The following DAPK2 variants were observed in gnomAD, a reference collection of about 807,000 sequenced individuals.
DAPK2 encodes the protein death-associated protein kinase 2.
A neutral mutation model predicts 44.1 loss-of-function variants in DAPK2; 35 were observed. That is an observed-to-expected ratio of 0.79 (90% CI 0.61 to 1.05). The LOEUF is 1.05. Among genes scored for constraint, DAPK2 ranks in the 50% least tolerant of loss-of-function variants. DAPK2 has a pLI of 0.00. For synonymous variants in DAPK2, 174 were observed against 182.6 expected, an observed-to-expected ratio of 0.95 and a Z score of 0.38; for missense variants, 453 against 483.2, an observed-to-expected ratio of 0.94 and a Z score of 0.59.
At chr15:63,983,629 C>G in exon 2 of DAPK2, 7 of 1,614,186 alleles carry the variant, frequency 4.3e-6, no homozygotes, top group Non-Finnish European at 5.9e-6. Context: ...GCTCACCTCC[C>G]GCTCGATCTC....
chr15:63,973,288 G>A (rs1039358518), intron 2 of DAPK2, among the ~76,000 whole-genome samples: 4 of 152,244 alleles, frequency 2.6e-5, no homozygotes, highest in African/African-American at 9.6e-5. Flanking sequence ...GGGCCCCTGG[G>A]CAGAGAACTG....
At chr15:64,009,199 T>C (rs759361490) in intron 1 of DAPK2, among the ~76,000 whole-genome samples, 2 of 152,106 alleles carry the variant, frequency 1.3e-5, no homozygotes, top group Non-Finnish European at 2.9e-5. Context: ...GGATACACAG[T>C]AGATCTGCAG....
At chr15:63,982,021 C>T (rs1008142421) in intron 2 of DAPK2, among the ~76,000 whole-genome samples, 2 of 152,132 alleles carry the variant, frequency 1.3e-5, no homozygotes, top group Admixed American at 6.5e-5. Flanking sequence ...AGGTGGTCCA[C>T]CGAGTCTGTA....
At chr15:63,946,466 GC>G (rs1353656629) in intron 3 of DAPK2, among the ~76,000 whole-genome samples, 2 of 152,244 alleles carry the variant, frequency 1.3e-5, no homozygotes, top group African/African-American at 4.8e-5. Flanking sequence ...TAAAATGGGG[GC>G]AAAACCTACT....
intron 5 of DAPK2, 98 bp downstream of exon 6, chr15:63,930,309 G>A (rs1051145392): frequency 4.3e-6 from 5 of 1,162,396 alleles, no homozygotes; most frequent in Non-Finnish European, 6.5e-6. Context: ...GTGGAGTAAG[G>A]GGCTTTCATG....
rs940912517 is a variant in DAPK2, at chr15:63,939,392, G to A, written c.454-31C>T. 6 of 1,502,166 alleles carry A rather than the reference G, an allele frequency of 4.0e-6. No individual in the cohort carries two copies. Among genetic ancestry groups the A allele is most frequent in the African/African-American group, 2.8e-5 (2 of 70,876 alleles). 93.1% of individuals were successfully genotyped at this position (1,502,166 alleles called of 1,614,324 possible). A position where few individuals can be genotyped will look rare whatever the true frequency, so the allele number is the denominator to read the frequency against. On this transcript the variant is annotated intron_variant, in intron 3 of 10. Transcript: ENST00000261891. The surrounding 1 kb of genome is among the most constrained non-coding windows in gnomAD (Gnocchi z 4.3). ...CAACAAAAAGTAGAAAAAAAAAAAA[G>A]GAAGGAAGAAAAGAAAAAAAAAGAC...
At chr15:63,994,866 A>T (rs1050292873) in intron 1 of DAPK2, among the ~76,000 whole-genome samples, 1 of 152,122 alleles carries the variant, frequency 6.6e-6, no homozygotes, top group African/African-American at 2.4e-5. Flanking sequence ...CTAGGATTAC[A>T]GGCGTGAGCC....
chr15:64,020,407 G>A lies in DAPK2; in HGVS notation c.92+19763C>T, dbSNP rs1245591046. On this transcript the variant is annotated intron_variant, in intron 1 of 10. Coordinates refer to ENST00000261891, the Ensembl canonical transcript of DAPK2. This position sits in a 1 kb window ranked among gnomAD's most constrained non-coding sequence, Gnocchi z 4.5. Reference sequence around the variant, plus strand: ...CTCTGAAATGGTCAATTTCACAGGGGTCTTCCCCAAGAGTGGCATGTTCTC... The same window carrying A: ...CTCTGAAATGGTCAATTTCACAGGGATCTTCCCCAAGAGTGGCATGTTCTC... 1.3e-5 allele frequency among the ~76,000 whole-genome samples: 2 copies of A among 152,194 alleles called. No homozygotes were observed. Among genetic ancestry groups the A allele is most frequent in the Non-Finnish European group, 2.9e-5 (2 of 68,032 alleles).
intron 6 of DAPK2, among the ~76,000 whole-genome samples, chr15:63,929,207 A>G (rs1281255434): frequency 6.6e-6 from 1 of 152,078 alleles, no homozygotes; most frequent in Non-Finnish European, 1.5e-5. Context: ...TCAAAAAAAA[A>G]AAAAAAAGAG....
At chr15:63,984,944 G>A (rs2078628716) in intron 1 of DAPK2, among the ~76,000 whole-genome samples, 1 of 152,214 alleles carries the variant, frequency 6.6e-6, no homozygotes. Flanking sequence ...CAACAACAAA[G>A]TCAAGTTCAG....
intron 3 of DAPK2, among the ~76,000 whole-genome samples, chr15:63,951,706 G>A (rs1264395911): frequency 6.6e-6 from 1 of 152,130 alleles, no homozygotes; most frequent in Non-Finnish European, 1.5e-5. Context: ...CTACCCCCTG[G>A]CATACAGTAG....
In DAPK2 at chr15:63,917,540, C is replaced by T. The variant is rs2078959177; in HGVS notation, c.859-5343G>A. 6.6e-6 allele frequency: 1 copy of T among 152,082 alleles called. No individual in the cohort carries two copies. Among genetic ancestry groups the T allele is most frequent in the Admixed American group, 6.5e-5 (1 of 15,278 alleles). The allele number at this position is 152,082 out of a possible 1,614,324, so 9.4% of individuals were successfully genotyped here. ...TTCCTGCTGGAGCGGGGTCATAGGT[C>T]CTGGAATCCACTATCCCATTCCTTA... On this transcript the variant is annotated intron_variant, in intron 8 of 10. Coordinates refer to ENST00000261891, the Ensembl canonical transcript of DAPK2. The surrounding 1 kb of genome is among the most constrained non-coding windows in gnomAD (Gnocchi z 4.4).
intron 1 of DAPK2, among the ~76,000 whole-genome samples, chr15:64,014,639 G>C (rs1050988219): frequency 1.3e-5 from 2 of 152,232 alleles, no homozygotes; most frequent in African/African-American, 4.8e-5. Context: ...ATAAGACCTG[G>C]CTGGGCTTGG....
At chr15:64,043,631 T>C (rs995281674), upstream of DAPK2, among the ~76,000 whole-genome samples, 1 of 152,128 alleles carries the variant, frequency 6.6e-6, no homozygotes, top group Non-Finnish European at 1.5e-5. Flanking sequence ...GGCTTCAGAG[T>C]GCCAGCAATG....
chr15:63,975,761 G>T (rs2140786583), intron 2 of DAPK2, among the ~76,000 whole-genome samples: 1 of 152,244 alleles, frequency 6.6e-6, no homozygotes, highest in Admixed American at 6.5e-5. Context: ...GCTACGCCCA[G>T]CTAATTTTTG....
In DAPK2 at chr15:63,929,593, C is replaced by G; in HGVS notation, c.633-16G>C. 1 of 1,613,958 alleles carries G rather than the reference C, an allele frequency of 6.2e-7. No homozygotes were observed. Among genetic ancestry groups the G allele is most frequent in the Non-Finnish European group, 8.5e-7 (1 of 1,179,946 alleles). ...GCCTATGCTCCTGCAAAATAAAGAA[C>G]AGTCAAGTCAGGGCCACCTGGGTCC... On this transcript the variant is annotated splice_polypyrimidine_tract_variant and intron_variant, in intron 5 of 10. Coordinates refer to ENST00000261891, the Ensembl canonical transcript of DAPK2.
chr15:64,029,144 C>T (rs2079937183), intron 1 of DAPK2, among the ~76,000 whole-genome samples: 1 of 151,196 alleles, frequency 6.6e-6, no homozygotes, highest in African/African-American at 2.4e-5. Flanking sequence ...TGCCCCCCGC[C>T]CCCAGCTCTT....
intron 1 of DAPK2, among the ~76,000 whole-genome samples, chr15:63,991,530 A>G (rs2078818620): frequency 6.6e-6 from 1 of 152,186 alleles, no homozygotes; most frequent in African/African-American, 2.4e-5. Flanking sequence ...CTTTCACCGA[A>G]GTCCAATATG....
At chr15:63,936,825 T>A (rs28414694) in intron 4 of DAPK2, among the ~76,000 whole-genome samples, 2 of 151,376 alleles carry the variant, frequency 1.3e-5, no homozygotes, top group African/African-American at 2.4e-5. Flanking sequence ...AAAAAATTTT[T>A]AAAAAATTGC....
Sources: allele counts gnomAD v4.1 joint callset (sites outside exome capture counted in the v4.1 genomes callset), GRCh38; gene constraint gnomAD v4.1.1; non-coding constraint Gnocchi (gnomAD v3.1); transcripts MANE v1.5; gene names NCBI Gene and HGNC (gene_info 2026-07-23, HGNC 2026-07-21).